The following ZBTB20 variants were observed in gnomAD, a reference collection of about 807,000 sequenced individuals.
ZBTB20 encodes the protein zinc finger and BTB domain-containing protein 20.
A neutral mutation model predicts 56.9 loss-of-function variants in ZBTB20; 9 were observed. The ratio of observed to expected loss-of-function variants is 0.16; its 90% CI spans 0.10 to 0.28. The LOEUF (loss-of-function observed/expected upper bound fraction) is 0.28, where lower values mean the gene tolerates loss of function less well. Ranked by LOEUF, ZBTB20 falls within the 10% of genes least tolerant of loss-of-function variation. The pLI is 1.00. For missense variants in ZBTB20, 655 were observed against 1,003.0 expected, an observed-to-expected ratio of 0.65 and a Z score of 4.69; for synonymous variants, 417 against 420.7, an observed-to-expected ratio of 0.99 and a Z score of 0.11.
chr3:114,475,125 C>T (rs1480875046), intron 7 of ZBTB20, among the ~76,000 whole-genome samples: 2 of 152,166 alleles, frequency 1.3e-5, no homozygotes, highest in African/African-American at 2.4e-5. Context: ...ACATTCCATG[C>T]TCAAGTTAAA....
intron 6 of ZBTB20, among the ~76,000 whole-genome samples, chr3:114,524,590 A>T (rs1460490008): frequency 6.6e-6 from 1 of 152,048 alleles, no homozygotes; most frequent in African/African-American, 2.4e-5. Flanking sequence ...CCTCTCTCTC[A>T]CTTTCCATCT....
intron 4 of ZBTB20, among the ~76,000 whole-genome samples, chr3:114,812,098 C>A (rs1255697331): frequency 2.0e-5 from 3 of 152,144 alleles, no homozygotes; most frequent in Non-Finnish European, 4.4e-5. Flanking sequence ...AAAGAGTGAG[C>A]AGTAGCAAGA....
intron 4 of ZBTB20, among the ~76,000 whole-genome samples, chr3:114,834,924 T>G (rs2074044955): frequency 1.3e-5 from 2 of 152,272 alleles, no homozygotes; most frequent in Admixed American, 1.3e-4. Flanking sequence ...ACAGTTTCAT[T>G]ATATTTTCAC....
At chr3:114,734,901 A>G (rs2108561187) in intron 5 of ZBTB20, among the ~76,000 whole-genome samples, 1 of 152,206 alleles carries the variant, frequency 6.6e-6, no homozygotes, top group Admixed American at 6.6e-5. Context: ...ACTCAGACAC[A>G]CCCATGAGCC....
intron 1 of ZBTB20, among the ~76,000 whole-genome samples, chr3:115,118,782 G>A (rs569272243): frequency 2.8e-5 from 4 of 142,164 alleles, no homozygotes; most frequent in African/African-American, 1.0e-4. Flanking sequence ...GTGCAGTGGC[G>A]CGATCTCCAC....
At chr3:114,482,251 C>A (rs1431304768) in intron 7 of ZBTB20, among the ~76,000 whole-genome samples, 5 of 152,148 alleles carry the variant, frequency 3.3e-5, no homozygotes, top group Admixed American at 3.3e-4. Flanking sequence ...GGACAGGAAA[C>A]TAAAGATGAG....
At chr3:114,816,060 C>CT (rs1490436599) in intron 4 of ZBTB20, among the ~76,000 whole-genome samples, 11 of 152,304 alleles carry the variant, frequency 7.2e-5, no homozygotes, top group African/African-American at 2.6e-4. Flanking sequence ...GAGCTATCCT[C>CT]TTTCTGTGAA....
chr3:114,807,033 T>C lies in ZBTB20; in HGVS notation c.-416-5859A>G, dbSNP rs929373484. On this transcript the variant is annotated intron_variant, in intron 4 of 11. Transcript: ENST00000675478. ...AAACCAGAAATTGTACGTTATCTAA[T>C]TTTGTTTTCCTTTTTCAAAAGTATT... Among the ~76,000 whole-genome samples the C allele has an allele frequency of 2.6e-5, 4 of 152,182 alleles. No individual in the cohort carries two copies. In the East Asian group the frequency reaches 5.8e-4, roughly 22 times the overall value.
At chr3:114,561,259 T>A (rs1164846099) in intron 6 of ZBTB20, among the ~76,000 whole-genome samples, 1 of 152,224 alleles carries the variant, frequency 6.6e-6, no homozygotes, top group South Asian at 2.1e-4. Flanking sequence ...TTCTTCCAAA[T>A]GCCTGTTAAT....
At chr3:114,827,010 T>C (rs995785901) in intron 4 of ZBTB20, among the ~76,000 whole-genome samples, 7 of 151,728 alleles carry the variant, frequency 4.6e-5, no homozygotes, top group African/African-American at 1.7e-4. Context: ...TAAGGGTTTT[T>C]TTCCCTAAAG....
At chr3:114,927,002 C>T (rs2076183081) in intron 3 of ZBTB20, among the ~76,000 whole-genome samples, 1 of 152,122 alleles carries the variant, frequency 6.6e-6, no homozygotes, top group Non-Finnish European at 1.5e-5. Context: ...TGCTTGGCCT[C>T]CCAAAGTGCT....
intron 6 of ZBTB20, among the ~76,000 whole-genome samples, chr3:114,594,271 T>C (rs1186848988): frequency 1.3e-5 from 2 of 150,152 alleles, no homozygotes; most frequent in Non-Finnish European, 3.0e-5. Context: ...ATATTCTTTT[T>C]TTTTTTTTTT....
chr3:114,548,986 GA>G (rs1414620394), intron 6 of ZBTB20, among the ~76,000 whole-genome samples: 2 of 152,134 alleles, frequency 1.3e-5, no homozygotes, highest in African/African-American at 4.8e-5. Flanking sequence ...AAAAGGTACT[GA>G]AAAAAGTAAA....
chr3:114,539,903 C>CTT (rs11288043), intron 6 of ZBTB20, among the ~76,000 whole-genome samples: 5 of 143,516 alleles, frequency 3.5e-5, no homozygotes, highest in South Asian at 2.2e-4. Flanking sequence ...TTCAACCCAC[C>CTT]TTTTTTTTTT....
rs200510447 is a variant in ZBTB20, at chr3:114,339,359, G to A, written c.1872C>T (p.His624=). The A allele has an allele frequency of 4.0e-5, 65 of 1,613,996 alleles. No individual in the cohort carries two copies. Among genetic ancestry groups the A allele is most frequent in the Non-Finnish European group, 5.3e-5 (63 of 1,180,030 alleles). Residue 624 remains histidine (H), a synonymous_variant, in exon 12 of 12, where the codon CAC becomes CAT. Coordinates refer to ENST00000675478, the MANE Select transcript of ZBTB20 (RefSeq NM_001348800.3). This position sits in a 1 kb window ranked among gnomAD's most constrained non-coding sequence, Gnocchi z 4.2. ...SFSLKDYLIK[H]MVTHTGVRAY... ...CCCTCACTCCTGTGTGTGTCACCAT[G>A]TGCTTGATAAGGTAATCCTTTAAGG...
intron 1 of ZBTB20, among the ~76,000 whole-genome samples, chr3:115,107,763 T>G (rs1197133320): frequency 6.6e-6 from 1 of 152,172 alleles, no homozygotes; most frequent in African/African-American, 2.4e-5. Context: ...AATAATAGAC[T>G]GGGTAAAGAA....
rs151332500 is a variant in ZBTB20 at position 114,355,282 on chromosome 3, C to A, written c.200-3404G>T. ...TGAATAGTCTGAGTTAAGACTCTTGCGATAATATTGCCACCAACTTCATTA... is the reference window on the plus strand; with the variant it reads ...TGAATAGTCTGAGTTAAGACTCTTGAGATAATATTGCCACCAACTTCATTA... On this transcript the variant is annotated intron_variant, in intron 10 of 11. Coordinates refer to ENST00000675478, the MANE Select transcript of ZBTB20 (RefSeq NM_001348800.3). Among the ~76,000 whole-genome samples, 563 of 152,146 alleles carry A rather than the reference C, an allele frequency of 3.7e-3. 5 individuals carry two copies. Among genetic ancestry groups the A allele is most frequent in the South Asian group, 0.029 (139 of 4,802 alleles).
At chr3:114,841,078 A>G (rs370755906) in intron 4 of ZBTB20, among the ~76,000 whole-genome samples, 1 of 152,224 alleles carries the variant, frequency 6.6e-6, no homozygotes, top group African/African-American at 2.4e-5. Flanking sequence ...GTTAGGCACT[A>G]AAGACGCAGC....
At chr3:114,987,915 A>G (rs2078616005) in intron 2 of ZBTB20, among the ~76,000 whole-genome samples, 1 of 152,144 alleles carries the variant, frequency 6.6e-6, no homozygotes, top group Non-Finnish European at 1.5e-5. Flanking sequence ...CTGCTAGTTT[A>G]TCTGCATCAC....
Sources: allele counts gnomAD v4.1 joint callset (sites outside exome capture counted in the v4.1 genomes callset), GRCh38; gene constraint gnomAD v4.1.1; non-coding constraint Gnocchi (gnomAD v3.1); transcripts MANE v1.5; gene names NCBI Gene and HGNC (gene_info 2026-07-23, HGNC 2026-07-21).